ADAMTS17: variants seen among roughly 807,000 people sequenced by gnomAD.
ADAMTS17 encodes ADAM metallopeptidase with thrombospondin type 1 motif 17.
Under a neutral mutation model 141.5 loss-of-function variants are expected in ADAMTS17, and 113 were observed. That is an observed-to-expected ratio of 0.80 (90% CI 0.69 to 0.93). The LOEUF (loss-of-function observed/expected upper bound fraction) is 0.93, where lower values mean the gene tolerates loss of function less well. ADAMTS17 is among the 40% of genes least tolerant of loss of function. ADAMTS17 has a pLI of 0.00. For missense variants in ADAMTS17, 1,659 were observed against 1,517.9 expected, an observed-to-expected ratio of 1.09 and a Z score of -1.54; for synonymous variants, 768 against 630.6, an observed-to-expected ratio of 1.22 and a Z score of -3.27.
intron 3 of ADAMTS17, among the ~76,000 whole-genome samples, chr15:100,312,541 G>A (rs1290055503): frequency 6.6e-6 from 1 of 152,182 alleles, no homozygotes; most frequent in East Asian, 1.9e-4. Context: ...ATTTGTTAGA[G>A]CGGTAATAAG....
At chr15:100,092,145 G>A (rs997416271) in intron 15 of ADAMTS17, among the ~76,000 whole-genome samples, 20 of 152,228 alleles carry the variant, frequency 1.3e-4, no homozygotes, top group African/African-American at 4.1e-4. Flanking sequence ...AGCACACGGT[G>A]TGCTTGAGGG....
At chr15:99,982,910 G>A (rs1193819925) in intron 20 of ADAMTS17, among the ~76,000 whole-genome samples, 1 of 152,192 alleles carries the variant, frequency 6.6e-6, no homozygotes, top group African/African-American at 2.4e-5. Flanking sequence ...TCCCAGGCAG[G>A]GAGGGGGTGT....
chr15:100,163,947 T>C lies in ADAMTS17; in HGVS notation c.1182-8627A>G, dbSNP rs12437498. ...GGATAGAAGCGGCCATCATCTCCCC[T>C]ATTCTTGCTGAGCACCTTTGAAGGC... On this transcript the variant is annotated intron_variant, in intron 8 of 21. Coordinates refer to ENST00000268070, the MANE Select transcript of ADAMTS17 (RefSeq NM_139057.4). Among the ~76,000 whole-genome samples the C allele has an allele frequency of 0.018, 2,718 of 152,308 alleles. 153 individuals are homozygous for C. The East Asian group carries it at 0.2, about 11-fold the overall frequency.
At chr15:100,318,255 C>T (rs944466958) in intron 3 of ADAMTS17, among the ~76,000 whole-genome samples, 7 of 151,502 alleles carry the variant, frequency 4.6e-5, no homozygotes, top group African/African-American at 1.5e-4. Context: ...CTAGATTTAC[C>T]AGACAAAATC....
In ADAMTS17 at chr15:99,997,511, G is replaced by A. The variant is rs763500860; in HGVS notation, c.2670C>T (p.Tyr890=). The change falls in exon 19 of 22, where the codon TAC becomes TAT. Residue 890 remains tyrosine (Y), a synonymous_variant. Transcript: ENST00000268070. The surrounding 1 kb of genome is among the most constrained non-coding windows in gnomAD (Gnocchi z 4.7). ...CGACGTGTGTGCCGTTCTGCAGCTGGTACACGCAGGTCACCTCCCGGTGCT... is the reference window on the plus strand; with the variant it reads ...CGACGTGTGTGCCGTTCTGCAGCTGATACACGCAGGTCACCTCCCGGTGCT... ...GFQHREVTCV[Y]QLQNGTHVAT... 4.3e-5 allele frequency: 70 copies of A among 1,613,544 alleles called. No homozygotes were observed. The highest frequency in any genetic ancestry group is 2.7e-5 in the African/African-American group (2 of 74,938).
intron 20 of ADAMTS17, among the ~76,000 whole-genome samples, chr15:99,987,386 C>T (rs1181019168): frequency 6.6e-6 from 1 of 152,216 alleles, no homozygotes; most frequent in South Asian, 2.1e-4. Flanking sequence ...GTTACATTAA[C>T]AACCTTCCAC....
At chr15:100,174,130 G>A (rs1003538165) in intron 8 of ADAMTS17, among the ~76,000 whole-genome samples, 6 of 152,168 alleles carry the variant, frequency 3.9e-5, no homozygotes, top group Admixed American at 6.5e-5. Context: ...GGGAGAAGCC[G>A]AGTTGATAAC....
Position 99,993,898 on chromosome 15 carries a change from G to A in ADAMTS17, c.2797-698C>T, listed in dbSNP as rs983367163. Among the ~76,000 whole-genome samples the A allele has an allele frequency of 6.6e-6, 1 of 152,164 alleles. No individual in the cohort carries two copies. Among genetic ancestry groups the A allele is most frequent in the Non-Finnish European group, 1.5e-5 (1 of 68,024 alleles). ...TGGGACCTGGGCAGGGCCTGGGGGT[G>A]ATGAATGATGTGCCTGCCCTCAAGA... On this transcript the variant is annotated intron_variant, in intron 19 of 21. Transcript: ENST00000268070. This position sits in a 1 kb window ranked among gnomAD's most constrained non-coding sequence, Gnocchi z 4.3.
intron 13 of ADAMTS17, among the ~76,000 whole-genome samples, chr15:100,111,599 C>T (rs78119399): frequency 0.016 from 2,393 of 152,354 alleles, 55 homozygotes; most frequent in African/African-American, 0.055. Context: ...TCTACTGTTT[C>T]GTTGAAAGCA....
At chr15:100,094,685 A>G (rs58082560) in intron 15 of ADAMTS17, among the ~76,000 whole-genome samples, 9,723 of 152,260 alleles carry the variant, frequency 0.064, 332 homozygotes, top group Middle Eastern at 0.095. Flanking sequence ...AGCTCAGTAC[A>G]ATGTTCAATT....
intron 20 of ADAMTS17, among the ~76,000 whole-genome samples, chr15:99,983,389 G>GC (rs2060520282): frequency 6.6e-6 from 1 of 152,064 alleles, no homozygotes. Flanking sequence ...CAGCTAGCCT[G>GC]CCCCTGCCCC....
rs529738860 is a variant in ADAMTS17, at chr15:100,324,542, A to G, written c.616+6347T>C. 2.6e-5 allele frequency among the ~76,000 whole-genome samples: 4 copies of G among 152,330 alleles called. No homozygotes were observed. The East Asian group carries it at 5.8e-4, about 22-fold the overall frequency. ...GACCATACTATGTCATGTTCGCCAT[A>G]GTATGCAAATCTCACCAGAGTCCGG... On this transcript the variant is annotated intron_variant, in intron 3 of 21. Transcript: ENST00000268070.
chr15:100,068,073 C>T (rs867285386), intron 15 of ADAMTS17, among the ~76,000 whole-genome samples: 13 of 152,238 alleles, frequency 8.5e-5, no homozygotes, highest in South Asian at 8.3e-4. Context: ...GCTTTTCCAA[C>T]GGTCTTAGCA....
chr15:100,048,906 G>C lies in ADAMTS17; in HGVS notation c.2542C>G (p.Arg848Gly). ...VNDSDCPQAS[R>G]PEPQVRRCNL... The stretch of plus-strand genomic sequence containing the variant: ...CACCTTCGGACCTGGGGCTCTGGGC[G>C]GCTTGCTTGAGGGCAGTCACTGTCG... The change falls in exon 18 of 22, where the codon CGC (arginine) becomes GGC (glycine). Residue 848 changes from arginine (R) to glycine (G), a missense_variant. Transcript: ENST00000268070. 1 of 1,614,160 alleles carries C rather than the reference G, an allele frequency of 6.2e-7. No individual in the cohort carries two copies. The highest frequency in any genetic ancestry group is 8.5e-7 in the Non-Finnish European group (1 of 1,180,030).
intron 20 of ADAMTS17, among the ~76,000 whole-genome samples, chr15:99,977,577 C>T (rs955616138): frequency 2.7e-5 from 4 of 150,630 alleles, no homozygotes; most frequent in African/African-American, 9.8e-5. Flanking sequence ...CCACATCTGG[C>T]TAATTTTTTT....
At chr15:100,262,238 A>T (rs775355565) in intron 5 of ADAMTS17, 114 bp downstream of exon 5, 3 of 922,580 alleles carry the variant, frequency 3.3e-6, no homozygotes, top group Non-Finnish European at 5.2e-6. Context: ...AAAGCCACAG[A>T]GAGTGACGGA....
chr15:100,257,056 T>C (rs2043351408), intron 6 of ADAMTS17: 1 of 152,306 alleles, frequency 6.6e-6, no homozygotes. Context: ...GAGAATACAC[T>C]GTCCGGCTTG....
rs369462215 is a variant in ADAMTS17 at position 100,133,339 on chromosome 15, T to G, written c.1474-24A>C. The G allele has an allele frequency of 1.7e-4, 262 of 1,560,716 alleles. No individual in the cohort carries two copies. The African/African-American group carries it at 3.1e-3, about 19-fold the overall frequency. On this transcript the variant is annotated intron_variant, in intron 10 of 21. Coordinates refer to ENST00000268070, the MANE Select transcript of ADAMTS17 (RefSeq NM_139057.4). ...TGCTGCAGGACAAGGGAAGGAACCA[T>G]AATTGTGGAGAACACCCACACTCAC...
intron 18 of ADAMTS17, among the ~76,000 whole-genome samples, chr15:100,016,784 G>A (rs989158600): frequency 2.0e-5 from 3 of 152,220 alleles, no homozygotes; most frequent in African/African-American, 7.2e-5. Context: ...GAGTGAAATG[G>A]ACTCTGTGAG....
Sources: gnomAD v4.1 joint callset for allele counts (sites outside exome capture counted in the v4.1 genomes callset) on GRCh38, gnomAD v4.1.1 for gene constraint, Gnocchi (gnomAD v3.1) non-coding constraint, MANE v1.5 for transcripts, NCBI Gene and HGNC (gene_info 2026-07-23, HGNC 2026-07-21) for gene names.